CAD: variants seen among roughly 807,000 people sequenced by gnomAD.
CAD encodes the protein multifunctional protein CAD.
CAD carries 81 observed loss-of-function variants against 237.2 expected under a neutral mutation model. That is an observed-to-expected ratio of 0.34 (90% CI 0.29 to 0.41). CAD has a LOEUF of 0.41. Among genes scored for constraint, CAD ranks in the 10% least tolerant of loss-of-function variants. The probability of loss-of-function intolerance (pLI) is 1.00; values close to 1 mark genes in which losing one functional copy is unlikely to be tolerated. For missense variants in CAD, 2,181 were observed against 2,951.7 expected (o/e 0.74, Z 6.05); for synonymous variants, 1,196 against 1,162.8 (o/e 1.03, Z -0.58).
At chr2:27,219,348 G>GTTT (rs58362878) in intron 2 of CAD, among the ~76,000 whole-genome samples, 15 of 147,148 alleles carry the variant, frequency 1.0e-4, no homozygotes, top group South Asian at 2.2e-4. Context: ...TATGGTTTTT[G>GTTT]TTTTTTTTTT....
intron 15 of CAD, among the ~76,000 whole-genome samples, chr2:27,228,704 G>C (rs906593539): frequency 6.6e-6 from 1 of 152,034 alleles, no homozygotes; most frequent in Non-Finnish European, 1.5e-5. Flanking sequence ...TGATTCTCCT[G>C]TCTCAGCCTC....
At position 27,243,432 on chromosome 2, in the gene CAD, G is replaced by T; in HGVS notation, c.6592G>T (p.Asp2198Tyr). The T allele has an allele frequency of 6.2e-7, 1 of 1,600,776 alleles. No homozygotes were observed. Among genetic ancestry groups the T allele is most frequent in the Non-Finnish European group, 8.5e-7 (1 of 1,174,334 alleles). The change falls in exon 44 of 44, where the codon GAT becomes TAT. Residue 2198 changes from aspartate (D) to tyrosine (Y), a missense_variant. By Grantham distance (160) the Asp-to-Tyr change is radical. Around this residue, in one of 12 missense-constraint regions of CAD, gnomAD observed 170 missense variants for 212.1 expected, o/e 0.80. Coordinates refer to ENST00000264705, the MANE Select transcript of CAD (RefSeq NM_004341.5). ...TTTTTGCAGCGTGGAAGTGGACTCG[G>T]ATCCCCGCGCAGCCTACTTCCGCCA... ...VNEISVEVDS[D>Y]PRAAYFRQAE...
Position 27,237,467 on chromosome 2 carries a change from G to A in CAD, c.4485G>A (p.Gly1495=). The change falls in exon 28 of 44, where the codon GGG becomes GGA. Residue 1495 remains glycine, a synonymous_variant. Coordinates refer to ENST00000264705, the MANE Select transcript of CAD (RefSeq NM_004341.5). This position sits in a 1 kb window ranked among gnomAD's most constrained non-coding sequence, Gnocchi z 4.0. ...FASGTAAALA[G]GITMVCAMPN... ...CAGGCACAGCCGCTGCCCTGGCTGG[G>A]GGTATCACCATGGTGTGTGCCATGC... The A allele has an allele frequency of 6.2e-7, 1 of 1,614,166 alleles. No individual in the cohort carries two copies. The highest frequency in any genetic ancestry group is 1.1e-5 in the South Asian group (1 of 91,084).
rs377020329 is a variant in CAD at position 27,222,977 on chromosome 2, G to C, written c.749G>C (p.Gly250Ala). The change falls in exon 6 of 44, where the codon GGG becomes GCG. Residue 250 changes from glycine to alanine, a missense_variant. Gly to Ala is a moderately conservative substitution (Grantham distance 60, BLOSUM62 0). Transcript: ENST00000264705. ...GAGCCTAATCCCCGACCTGTCTTTG[G>C]GATCTGCCTGGGACACCAGCTATTG... is the stretch of plus-strand genomic sequence containing the variant. ...LSEPNPRPVF[G>A]ICLGHQLLAL... The C allele has an allele frequency of 1.9e-6, 3 of 1,614,062 alleles. No individual in the cohort carries two copies. Among genetic ancestry groups the C allele is most frequent in the Non-Finnish European group, 1.7e-6 (2 of 1,180,036 alleles).
chr2:27,243,086 A>G, intron 42 of CAD, 112 bp from the exon 43 acceptor site: 1 of 1,329,818 alleles, frequency 7.5e-7, no homozygotes, highest in Non-Finnish European at 1.1e-6. Flanking sequence ...CACATCTGTC[A>G]ATTGCCATAG....
chr2:27,239,706 C>T lies in CAD; in HGVS notation c.5404C>T (p.Pro1802Ser), dbSNP rs754711379. 5 of 1,586,262 alleles carry T rather than the reference C, an allele frequency of 3.2e-6. No homozygotes were observed. The highest frequency in any genetic ancestry group is 4.3e-6 in the Non-Finnish European group (5 of 1,164,408). The change falls in exon 34 of 44, where the codon CCC (proline) becomes TCC (serine). Residue 1802 changes from proline (P) to serine (S), a missense_variant. Physicochemically the swap from Pro to Ser is moderately conservative, Grantham distance 74. Around this residue, in one of 12 missense-constraint regions of CAD, gnomAD observed 478 missense variants for 515.0 expected, o/e 0.93. Coordinates refer to ENST00000264705, the MANE Select transcript of CAD (RefSeq NM_004341.5). The surrounding 1 kb of genome is among the most constrained non-coding windows in gnomAD (Gnocchi z 4.0). ...VAYIDGQVLV[P>S]PGYGQDVRKW... The stretch of plus-strand genomic sequence containing the variant: ...TGCCTTCTGCCTGCAGGTTCTGGTA[C>T]CCCCGGGCTATGGACAGGATGTACG...
chr2:27,230,308 A>G (rs1270281781), intron 15 of CAD, among the ~76,000 whole-genome samples: 8 of 152,048 alleles, frequency 5.3e-5, no homozygotes, highest in Non-Finnish European at 8.8e-5. Context: ...GAAAAAACAC[A>G]GGATGGAAAT....
At position 27,232,845 on chromosome 2, in the gene CAD, G is replaced by T. The variant is rs567027847; in HGVS notation, c.2892+151G>T. The T allele has an allele frequency of 3.1e-6, 3 of 969,800 alleles. No homozygotes were observed. Among genetic ancestry groups the T allele is most frequent in the Non-Finnish European group, 4.7e-6 (3 of 632,584 alleles). 60.1% of individuals were successfully genotyped at this position (969,800 alleles called of 1,614,324 possible). On this transcript the variant is annotated intron_variant, in intron 18 of 43. Transcript: ENST00000264705. The surrounding 1 kb of genome is among the most constrained non-coding windows in gnomAD (Gnocchi z 4.1). The stretch of plus-strand genomic sequence containing the variant: ...GGGGTCCTTTTAGGCCATCTCTCAT[G>T]CCCCACACGGTATATGAATCTCTTC...
Position 27,239,657 on chromosome 2 carries a change from C to A in CAD, c.5395-40C>A. ...CATCTACCCCTTTAGGACCTGAGTTCTCTCTGCTCCCTCCTGAGTGCCCTG... is the reference window on the plus strand; with the variant it reads ...CATCTACCCCTTTAGGACCTGAGTTATCTCTGCTCCCTCCTGAGTGCCCTG... On this transcript the variant is annotated intron_variant, in intron 33 of 43. Transcript: ENST00000264705. The surrounding 1 kb of genome is among the most constrained non-coding windows in gnomAD (Gnocchi z 4.0). 6.6e-7 allele frequency: 1 copy of A among 1,524,484 alleles called. No individual in the cohort carries two copies. Among genetic ancestry groups the A allele is most frequent in the Non-Finnish European group, 8.9e-7 (1 of 1,121,836 alleles). The allele number at this position is 1,524,484 out of a possible 1,614,324, so 94.4% of individuals were successfully genotyped here.
chr2:27,243,120 C>T (rs1676403940), intron 42 of CAD, 78 bp from the exon 43 acceptor site: 3 of 1,447,546 alleles, frequency 2.1e-6, no homozygotes, highest in Non-Finnish European at 1.9e-6. Flanking sequence ...TGGAGGGGAC[C>T]CCAGTGGAGC....
At position 27,241,768 on chromosome 2, in the gene CAD, G is replaced by C; in HGVS notation, c.5884-143G>C. On this transcript the variant is annotated intron_variant, in intron 38 of 43. Coordinates refer to ENST00000264705, the MANE Select transcript of CAD (RefSeq NM_004341.5). The surrounding 1 kb of genome is among the most constrained non-coding windows in gnomAD (Gnocchi z 4.6). ...TGACACCAGTGGTGGAAACGTCAAG[G>C]CTCTGACAGGTCACAGGGGAGGTTT... is the stretch of plus-strand genomic sequence containing the variant. The C allele has an allele frequency of 1.5e-6, 1 of 655,334 alleles. No homozygotes were observed. Among genetic ancestry groups the C allele is most frequent in the Non-Finnish European group, 2.7e-6 (1 of 375,096 alleles). The allele number at this position is 655,334 out of a possible 1,614,324, so 40.6% of individuals were successfully genotyped here.
At chr2:27,228,385 C>T (rs970671072) in intron 15 of CAD, among the ~76,000 whole-genome samples, 1 of 152,180 alleles carries the variant, frequency 6.6e-6, no homozygotes, top group Non-Finnish European at 1.5e-5. Context: ...TACCTATTGC[C>T]TCTACATATC....
In CAD at chr2:27,232,845, G is replaced by GC; in HGVS notation, c.2892+155dup. The GC allele has an allele frequency of 1.0e-6, 1 of 969,918 alleles. No homozygotes were observed. Among genetic ancestry groups the GC allele is most frequent in the East Asian group, 2.4e-5 (1 of 41,350 alleles). 60.1% of individuals were successfully genotyped at this position (969,918 alleles called of 1,614,324 possible). On this transcript the variant is annotated intron_variant, in intron 18 of 43. Coordinates refer to ENST00000264705, the MANE Select transcript of CAD (RefSeq NM_004341.5). The surrounding 1 kb of genome is among the most constrained non-coding windows in gnomAD (Gnocchi z 4.1). ...GGGGTCCTTTTAGGCCATCTCTCAT[G>GC]CCCCACACGGTATATGAATCTCTTC...
intron 31 of CAD, 128 bp from the exon 32 acceptor site, chr2:27,238,914 C>G (rs771149232): frequency 2.1e-6 from 2 of 947,712 alleles, no homozygotes; most frequent in Non-Finnish European, 3.2e-6. Context: ...TTCTAGTTCC[C>G]AGAAAAAATG....
In CAD at chr2:27,237,703, G is replaced by A. The variant is rs368518088; in HGVS notation, c.4564-15G>A. On this transcript the variant is annotated splice_polypyrimidine_tract_variant and intron_variant, in intron 28 of 43. Transcript: ENST00000264705. This position sits in a 1 kb window ranked among gnomAD's most constrained non-coding sequence, Gnocchi z 4.0. ...ATGGGTGCCAGTGAGCCTTACCTCT[G>A]TGTATCCTCTCCAGCTGGCAGAGGC... 6.8e-5 allele frequency: 110 copies of A among 1,608,956 alleles called. No homozygotes were observed. The highest frequency in any genetic ancestry group is 1.1e-4 in the South Asian group (10 of 89,972).
Position 27,237,434 on chromosome 2 carries a change from C to G in CAD, c.4452C>G (p.Asp1484Glu). 1 of 1,614,234 alleles carries G rather than the reference C, an allele frequency of 6.2e-7. No individual in the cohort carries two copies. Among genetic ancestry groups the G allele is most frequent in the Non-Finnish European group, 8.5e-7 (1 of 1,180,030 alleles). Residue 1484 changes from aspartate to glutamate, a missense_variant, in exon 28 of 44, where the codon GAC becomes GAG. Physicochemically the swap from Asp to Glu is conservative, Grantham distance 45. This residue lies in a region of CAD where 478 missense variants were observed against 515.0 expected (regional missense o/e 0.93). Transcript: ENST00000264705. This position sits in a 1 kb window ranked among gnomAD's most constrained non-coding sequence, Gnocchi z 4.0. ...LREPGGTHKE[D>E]FASGTAAALA... ...AACCAGGTGGGACACATAAGGAGGA[C>G]TTTGCTTCAGGCACAGCCGCTGCCC...
rs775315538 is a variant in CAD, at chr2:27,238,527, C to T, written c.4957C>T (p.Leu1653=). The change falls in exon 31 of 44, where the codon CTG becomes TTG. Residue 1653 remains leucine (L), a synonymous_variant. Transcript: ENST00000264705. ...LFLSHDDLER[L]GPGKGEVRPE... ...CCTAAGCCATGATGACCTGGAGCGC[C>T]TGGGGCCTGGGAAGGGGGAGGTCCG... 3.1e-6 allele frequency: 5 copies of T among 1,614,028 alleles called. No individual in the cohort carries two copies. In the South Asian group the frequency reaches 3.3e-5, roughly 11 times the overall value.
chr2:27,219,780 G>C (rs1322693618), intron 2 of CAD, among the ~76,000 whole-genome samples: 3 of 151,986 alleles, frequency 2.0e-5, no homozygotes, highest in Non-Finnish European at 4.4e-5. Context: ...GTAGAGACAG[G>C]GTTTCTCCAT....
At chr2:27,223,113 T>C in intron 6 of CAD, 76 bp downstream of exon 6, 2 of 1,472,462 alleles carry the variant, frequency 1.4e-6, no homozygotes, top group East Asian at 4.5e-5. Flanking sequence ...GAGAAGAGAG[T>C]TGGTGTTTAT....
Sources: gnomAD v4.1 joint callset for allele counts (sites outside exome capture counted in the v4.1 genomes callset) on GRCh38, gnomAD v4.1.1 for gene constraint, gnomAD v4.1.1 regional missense constraint, Gnocchi (gnomAD v3.1) non-coding constraint, MANE v1.5 for transcripts, NCBI Gene and HGNC (gene_info 2026-07-23, HGNC 2026-07-21) for gene names.